MYO3B: variants seen among roughly 807,000 people sequenced by gnomAD.
MYO3B encodes the protein myosin-IIIb.
MYO3B carries 156 observed loss-of-function variants against 174.6 expected under a neutral mutation model. The ratio of observed to expected loss-of-function variants is 0.89; its 90% CI spans 0.78 to 1.02. The LOEUF (loss-of-function observed/expected upper bound fraction) is 1.02, where lower values mean the gene tolerates loss of function less well. MYO3B is among the 50% of genes least tolerant of loss of function. MYO3B has a pLI of 0.00. For missense variants in MYO3B, 1,632 were observed against 1,639.4 expected, an observed-to-expected ratio of 1.00 and a Z score of 0.08; for synonymous variants, 563 against 569.1, an observed-to-expected ratio of 0.99 and a Z score of 0.15.
At chr2:170,196,191 T>C (rs1208591288) in intron 1 of MYO3B, among the ~76,000 whole-genome samples, 2 of 152,174 alleles carry the variant, frequency 1.3e-5, no homozygotes, top group African/African-American at 4.8e-5. Context: ...AGAGCCTGAT[T>C]ATTTCTCCTA....
chr2:170,425,080 G>A (rs1475390806), intron 22 of MYO3B, among the ~76,000 whole-genome samples: 1 of 152,024 alleles, frequency 6.6e-6, no homozygotes, highest in African/African-American at 2.4e-5. Flanking sequence ...GAGGCTTTCA[G>A]GTCATTTCCC....
At chr2:170,416,950 C>T (rs974824064) in intron 22 of MYO3B, among the ~76,000 whole-genome samples, 2 of 151,478 alleles carry the variant, frequency 1.3e-5, no homozygotes, top group Non-Finnish European at 2.9e-5. Context: ...CTCAGCCTCC[C>T]GAGTAGCTGG....
chr2:170,484,970 T>A (rs1685939180), intron 25 of MYO3B, among the ~76,000 whole-genome samples: 1 of 152,116 alleles, frequency 6.6e-6, no homozygotes, highest in Non-Finnish European at 1.5e-5. Context: ...TTTATATGGA[T>A]TGAATTGTTC....
At chr2:170,495,664 T>C (rs1275856179) in intron 25 of MYO3B, among the ~76,000 whole-genome samples, 1 of 152,136 alleles carries the variant, frequency 6.6e-6, no homozygotes, top group African/African-American at 2.4e-5. Context: ...ACTCCTCTTA[T>C]ATCTTTCAAG....
At chr2:170,422,521 C>G (rs971020737) in intron 22 of MYO3B, among the ~76,000 whole-genome samples, 1 of 149,850 alleles carries the variant, frequency 6.7e-6, no homozygotes, top group Non-Finnish European at 1.5e-5. Flanking sequence ...TGCAGTGGCT[C>G]GATCTCGGCT....
At chr2:170,188,858 A>G (rs2092504308) in intron 1 of MYO3B, among the ~76,000 whole-genome samples, 1 of 152,092 alleles carries the variant, frequency 6.6e-6, no homozygotes, top group Admixed American at 6.6e-5. Flanking sequence ...TTCATCTTTT[A>G]GTCTTTCTAG....
chr2:170,320,567 G>A (rs1220290691), intron 7 of MYO3B, among the ~76,000 whole-genome samples: 2 of 152,088 alleles, frequency 1.3e-5, no homozygotes, highest in African/African-American at 4.8e-5. Flanking sequence ...CTTGAAAAGA[G>A]ATGCATCCTC....
At chr2:170,330,628 G>C (rs2093905097) in intron 7 of MYO3B, among the ~76,000 whole-genome samples, 1 of 152,130 alleles carries the variant, frequency 6.6e-6, no homozygotes, top group South Asian at 2.1e-4. Context: ...TTCTGTCTCT[G>C]ACCCACCATG....
chr2:170,195,256 A>G (rs527466297), intron 1 of MYO3B, among the ~76,000 whole-genome samples: 4 of 152,098 alleles, frequency 2.6e-5, no homozygotes, highest in South Asian at 2.1e-4. Flanking sequence ...TTCATGCCCA[A>G]AAGTTGGCTT....
intron 25 of MYO3B, among the ~76,000 whole-genome samples, chr2:170,468,701 T>C (rs1236674592): frequency 6.6e-6 from 1 of 152,192 alleles, no homozygotes; most frequent in African/African-American, 2.4e-5. Context: ...AGAGGCCACC[T>C]GGAAATGCTG....
intron 7 of MYO3B, among the ~76,000 whole-genome samples, chr2:170,306,555 G>A (rs1474316983): frequency 1.3e-5 from 2 of 152,148 alleles, no homozygotes. Context: ...AAAACAATTG[G>A]TTATCACACA....
intron 25 of MYO3B, among the ~76,000 whole-genome samples, chr2:170,491,647 A>G (rs577316369): frequency 3.7e-4 from 56 of 152,290 alleles, no homozygotes; most frequent in South Asian, 6.2e-4. Flanking sequence ...GGACGGTCTC[A>G]ATCTCCTGAC....
chr2:170,407,683 G>T (rs767099077), intron 21 of MYO3B, 32 bp from the exon 22 acceptor site: 16 of 1,608,202 alleles, frequency 9.9e-6, no homozygotes, highest in African/African-American at 1.3e-5. Context: ...CAGTTGACTT[G>T]GCTAATTTGC....
intron 9 of MYO3B, 131 bp downstream of exon 9, chr2:170,369,508 C>A: frequency 2.0e-6 from 2 of 1,006,628 alleles, no homozygotes; most frequent in Non-Finnish European, 2.9e-6. Flanking sequence ...ATTTACATGA[C>A]ATTAAGTACT....
chr2:170,454,567 CT>C (rs1235729054), intron 23 of MYO3B, among the ~76,000 whole-genome samples: 7 of 152,338 alleles, frequency 4.6e-5, no homozygotes, highest in East Asian at 3.9e-4. Context: ...GAGTCAGCCC[CT>C]AATCCAAGAG....
chr2:170,496,799 T>A (rs1003383048), intron 25 of MYO3B, among the ~76,000 whole-genome samples: 6 of 151,916 alleles, frequency 3.9e-5, no homozygotes, highest in African/African-American at 1.5e-4. Flanking sequence ...GCTAATTTTT[T>A]AAATTTTTTG....
chr2:170,628,337 C>T (rs1696642469), intron 32 of MYO3B, among the ~76,000 whole-genome samples: 1 of 152,228 alleles, frequency 6.6e-6, no homozygotes, highest in Admixed American at 6.5e-5. Context: ...GGCATGGGAC[C>T]CTCTGAGCCA....
intron 16 of MYO3B, among the ~76,000 whole-genome samples, chr2:170,397,170 T>C (rs1045615116): frequency 6.6e-6 from 1 of 152,218 alleles, no homozygotes; most frequent in African/African-American, 2.4e-5. Context: ...TTGCCTTTGA[T>C]TTAGAAGTTG....
At chr2:170,295,776 T>C (rs1233179606) in intron 7 of MYO3B, among the ~76,000 whole-genome samples, 1 of 152,228 alleles carries the variant, frequency 6.6e-6, no homozygotes, top group African/African-American at 2.4e-5. Flanking sequence ...AAAATATCTT[T>C]ATTTCTTCTT....
Sources: allele counts gnomAD v4.1 joint callset (sites outside exome capture counted in the v4.1 genomes callset), GRCh38; gene constraint gnomAD v4.1.1; transcripts MANE v1.5; gene names NCBI Gene and HGNC (gene_info 2026-07-23, HGNC 2026-07-21).